Variants in INSL6 observed in about 807,000 individuals in gnomAD.
INSL6 encodes insulin like 6.
Under a neutral mutation model 9.4 loss-of-function variants are expected in INSL6, and 16 were observed. The ratio of observed to expected loss-of-function variants is 1.70; its 90% CI spans 1.15 to 2.59. INSL6 has a LOEUF of 2.59. Ranked by LOEUF, INSL6 falls within the 30% of genes most tolerant of loss-of-function variation. INSL6 has a pLI of 0.00. For missense variants in INSL6, 391 were observed against 257.3 expected, an observed-to-expected ratio of 1.52 and a Z score of -3.56; for synonymous variants, 154 against 96.9, an observed-to-expected ratio of 1.59 and a Z score of -3.46.
the INSL6 span, among the ~76,000 whole-genome samples, chr9:5,010,102 C>T: frequency 6.6e-6 from 1 of 152,144 alleles, no homozygotes; most frequent in Non-Finnish European, 1.5e-5. Context: ...TCTATTTCCT[C>T]TACTCTGTCA....
At chr9:5,162,264 A>C (rs772259461), downstream of INSL6, among the ~76,000 whole-genome samples, 29 of 152,148 alleles carry the variant, frequency 1.9e-4, no homozygotes, top group Non-Finnish European at 3.8e-4. Flanking sequence ...GGAGTCTATA[A>C]ATGTGACTAT....
intron 1 of INSL6, among the ~76,000 whole-genome samples, chr9:5,172,835 G>T (rs950265149): frequency 1.1e-4 from 16 of 152,148 alleles, no homozygotes; most frequent in African/African-American, 3.1e-4. Context: ...GGCTGAGGCA[G>T]GAGAATTGCT....
the INSL6 span, chr9:5,054,592 G>A: frequency 1.0e-5 from 16 of 1,594,630 alleles, no homozygotes; most frequent in African/African-American, 4.1e-5. The surrounding 1 kb of genome is among the most constrained non-coding windows in gnomAD (Gnocchi z 4.9). Context: ...AAATGTATTC[G>A]AGCAAAGATC....
the INSL6 span, chr9:5,041,404 G>C: frequency 1.5e-3 from 927 of 626,820 alleles, 2 homozygotes; most frequent in Non-Finnish European, 2.4e-3. Context: ...GCAACAACCT[G>C]GAGGTGCTGG....
the INSL6 span, chr9:5,072,649 T>G: frequency 6.5e-7 from 1 of 1,542,654 alleles, no homozygotes; most frequent in Non-Finnish European, 8.8e-7. Flanking sequence ...TTTATATTGT[T>G]CATGTAGTTT....
chr9:5,119,503 G>A (rs1163426756), downstream of INSL6, among the ~76,000 whole-genome samples: 1 of 151,722 alleles, frequency 6.6e-6, no homozygotes, highest in South Asian at 2.1e-4. Flanking sequence ...AAATCATGAG[G>A]GCAGTCAGGA....
intron 1 of INSL6, among the ~76,000 whole-genome samples, chr9:5,180,259 G>A (rs1825419834): frequency 6.6e-6 from 1 of 152,076 alleles, no homozygotes; most frequent in African/African-American, 2.4e-5. Context: ...TGTGATAATT[G>A]TGTTAACTGT....
At chr9:5,121,734 GTCTT>G (rs1378548356), downstream of INSL6, among the ~76,000 whole-genome samples, 2 of 152,216 alleles carry the variant, frequency 1.3e-5, no homozygotes, top group African/African-American at 2.4e-5. Flanking sequence ...AGAAGGAGGA[GTCTT>G]TCTTCTTATT....
the INSL6 span, chr9:5,096,710 C>G: frequency 2.0e-5 from 3 of 152,264 alleles, no homozygotes; most frequent in African/African-American, 4.8e-5. Context: ...ACAAAGCTAT[C>G]GGAACACTAT....
At chr9:5,041,475 C>A in the INSL6 span, 1 of 597,378 alleles carries the variant, frequency 1.7e-6, no homozygotes, top group East Asian at 3.8e-5. Flanking sequence ...AAGGCTGACA[C>A]GATCATGAGC....
the INSL6 span, chr9:5,112,688 A>G: frequency 1.1e-6 from 1 of 917,112 alleles, no homozygotes; most frequent in Non-Finnish European, 1.5e-6. Context: ...GGTCATCCTG[A>G]ATTTGGAGCA....
At chr9:5,105,874 A>G in the INSL6 span, among the ~76,000 whole-genome samples, 1 of 152,246 alleles carries the variant, frequency 6.6e-6, no homozygotes, top group Non-Finnish European at 1.5e-5. Context: ...AGAAAGCTGA[A>G]ACTGGATCCC....
the INSL6 span, chr9:5,091,028 T>C: frequency 1.3e-6 from 1 of 795,646 alleles, no homozygotes. Flanking sequence ...TTTAAGTCTT[T>C]TAAGTCTTAC....
the INSL6 span, among the ~76,000 whole-genome samples, chr9:5,103,221 C>CAAAAAAAAAA: frequency 7.3e-4 from 5 of 6,872 alleles, 1 homozygote; most frequent in Non-Finnish European, 1.0e-3. Flanking sequence ...AAAGGGAAAG[C>CAAAAAAAAAA]AAAAAAAAAA....
At chr9:4,993,919 C>T in the INSL6 span, among the ~76,000 whole-genome samples, 1 of 152,122 alleles carries the variant, frequency 6.6e-6, no homozygotes, top group Non-Finnish European at 1.5e-5. Flanking sequence ...GTTAGTGGAT[C>T]GGTGTGTCTA....
chr9:4,999,734 C>T, the INSL6 span, among the ~76,000 whole-genome samples: 4 of 152,154 alleles, frequency 2.6e-5, no homozygotes, highest in African/African-American at 9.7e-5. Flanking sequence ...CAGGCGTGAG[C>T]CCCCGTGCCT....
chr9:5,034,852 C>T, the INSL6 span, among the ~76,000 whole-genome samples: 1 of 152,080 alleles, frequency 6.6e-6, no homozygotes, highest in Non-Finnish European at 1.5e-5. Context: ...CAAACACATT[C>T]AAAAGCTAGC....
chr9:5,150,255 G>C (rs957526269), intron 2 of INSL6, among the ~76,000 whole-genome samples: 6 of 128,468 alleles, frequency 4.7e-5, no homozygotes, highest in Non-Finnish European at 8.1e-5. Flanking sequence ...ATAAGACATA[G>C]TTATAAACTA....
chr9:5,014,373 T>C, the INSL6 span, among the ~76,000 whole-genome samples: 1 of 152,190 alleles, frequency 6.6e-6, no homozygotes, highest in Non-Finnish European at 1.5e-5. Flanking sequence ...ACAGCTTTTA[T>C]ATACTCTTCA....
Sources: gnomAD v4.1 joint callset for allele counts (sites outside exome capture counted in the v4.1 genomes callset) on GRCh38, gnomAD v4.1.1 for gene constraint, Gnocchi (gnomAD v3.1) non-coding constraint, MANE v1.5 for transcripts, NCBI Gene and HGNC (gene_info 2026-07-23, HGNC 2026-07-21) for gene names.